The following MAGI1 variants were observed in gnomAD, a reference collection of about 807,000 sequenced individuals.
MAGI1 encodes membrane associated guanylate kinase, WW and PDZ domain containing 1.
In MAGI1, 58 loss-of-function variants were observed where a neutral mutation model predicts 139.9. That is an observed-to-expected ratio of 0.41 (90% CI 0.34 to 0.52). The LOEUF (loss-of-function observed/expected upper bound fraction) is 0.52, where lower values mean the gene tolerates loss of function less well. Among genes scored for constraint, MAGI1 ranks in the 20% least tolerant of loss-of-function variants. The pLI is 0.12. For synonymous variants in MAGI1, 812 were observed against 737.9 expected (o/e 1.10, Z -1.63); for missense variants, 1,874 against 1,901.6 (o/e 0.99, Z 0.27).
At chr3:65,900,492 A>C (rs566554608) in intron 1 of MAGI1, among the ~76,000 whole-genome samples, 1 of 152,338 alleles carries the variant, frequency 6.6e-6, no homozygotes, top group Non-Finnish European at 1.5e-5. Flanking sequence ...ATGTTCACTT[A>C]ATCATAATAT....
chr3:65,919,082 G>T (rs1265398130), intron 1 of MAGI1, among the ~76,000 whole-genome samples: 2 of 152,212 alleles, frequency 1.3e-5, no homozygotes, highest in African/African-American at 4.8e-5. Context: ...GATCTGTGAA[G>T]ACTGAAGACT....
At chr3:65,425,658 C>T (rs146771531) in intron 12 of MAGI1, among the ~76,000 whole-genome samples, 17 of 152,214 alleles carry the variant, frequency 1.1e-4, no homozygotes, top group African/African-American at 4.1e-4. Context: ...TACATGCCTT[C>T]TCTCAAAAGT....
chr3:65,881,887 A>G (rs1261403393), intron 1 of MAGI1, among the ~76,000 whole-genome samples: 2 of 152,134 alleles, frequency 1.3e-5, no homozygotes, highest in East Asian at 3.9e-4. Flanking sequence ...GAGCCTCTGG[A>G]AAGCCAGTAG....
rs986864095 is a variant in MAGI1 at position 65,390,486 on chromosome 3, T to C, written c.2416+656A>G. ...ATAAATGAATATTATTTATGGTGAA[T>C]AGTTTTTGGAAATCATTTCATAATA... On this transcript the variant is annotated intron_variant, in intron 14 of 22. Transcript: ENST00000402939. 2.6e-5 allele frequency among the ~76,000 whole-genome samples: 4 copies of C among 152,318 alleles called. No homozygotes were observed. In the East Asian group the frequency reaches 5.8e-4, roughly 22 times the overall value.
chr3:65,671,272 A>G (rs1353421310), intron 1 of MAGI1, among the ~76,000 whole-genome samples: 1 of 152,166 alleles, frequency 6.6e-6, no homozygotes, highest in African/African-American at 2.4e-5. Context: ...GTGTTTCTCA[A>G]TCTTGGCACT....
At chr3:65,687,667 G>A (rs1207475778) in intron 1 of MAGI1, 2 of 497,104 alleles carry the variant, frequency 4.0e-6, no homozygotes, top group Non-Finnish European at 8.1e-6. Context: ...TGCCCCGCTG[G>A]TAATACACAA....
At chr3:65,718,446 T>G (rs567015215) in intron 1 of MAGI1, 9 of 152,344 alleles carry the variant, frequency 5.9e-5, no homozygotes, top group Middle Eastern at 3.4e-3. Flanking sequence ...CGTGCCCCAG[T>G]GCAAATCCTA....
At chr3:65,777,458 A>C (rs1391574043) in intron 1 of MAGI1, among the ~76,000 whole-genome samples, 4 of 152,172 alleles carry the variant, frequency 2.6e-5, no homozygotes, top group African/African-American at 7.2e-5. Context: ...TATATTTGGC[A>C]TAAATACCAA....
At chr3:65,812,468 T>TCACACACACACACACACACACACACA (rs1553711393) in intron 1 of MAGI1, among the ~76,000 whole-genome samples, 21 of 89,068 alleles carry the variant, frequency 2.4e-4, no homozygotes, top group East Asian at 1.1e-3. Flanking sequence ...TCTCTCTCTC[T>TCACACACACACACACACACACACACA]CACACACACA....
intron 1 of MAGI1, among the ~76,000 whole-genome samples, chr3:65,771,523 G>C (rs1256261704): frequency 1.3e-5 from 2 of 152,022 alleles, no homozygotes; most frequent in South Asian, 2.1e-4. Flanking sequence ...TAATATAAAA[G>C]CACAACCACA....
At chr3:65,677,080 A>G (rs551460717) in intron 1 of MAGI1, among the ~76,000 whole-genome samples, 43 of 152,352 alleles carry the variant, frequency 2.8e-4, no homozygotes, top group African/African-American at 9.9e-4. Context: ...GATGAGAAAG[A>G]GATAAACAAT....
chr3:65,579,588 G>A (rs2108114657), intron 2 of MAGI1, among the ~76,000 whole-genome samples: 1 of 152,304 alleles, frequency 6.6e-6, no homozygotes, highest in East Asian at 1.9e-4. Context: ...GCTCACGCCT[G>A]TAATCCCAGC....
At chr3:65,739,127 C>G (rs944119294) in intron 1 of MAGI1, among the ~76,000 whole-genome samples, 7 of 152,220 alleles carry the variant, frequency 4.6e-5, no homozygotes, top group Admixed American at 4.6e-4. Context: ...CCACATTCAT[C>G]AATTATCTTA....
Position 65,448,015 on chromosome 3 carries a change from G to A in MAGI1, c.1078+7C>T, listed in dbSNP as rs200936855. On this transcript the variant is annotated splice_region_variant and intron_variant, in intron 7 of 22. Coordinates refer to ENST00000402939, the MANE Select transcript of MAGI1 (RefSeq NM_001033057.2). ...TCATGCAGCAGCAGCAGGCAGGGAG[G>A]GTTTACCTAGTTCACTGTCCAGCTC... The A allele has an allele frequency of 1.9e-6, 3 of 1,614,046 alleles. No individual in the cohort carries two copies. Among genetic ancestry groups the A allele is most frequent in the Non-Finnish European group, 2.5e-6 (3 of 1,179,954 alleles).
chr3:65,952,112 G>A (rs1279432398), intron 1 of MAGI1, among the ~76,000 whole-genome samples: 3 of 152,148 alleles, frequency 2.0e-5, no homozygotes, highest in African/African-American at 7.2e-5. Context: ...TAGTGAAAGT[G>A]TAGATAGATA....
intron 1 of MAGI1, among the ~76,000 whole-genome samples, chr3:65,827,765 AGAGAGG>A (rs1317139334): frequency 6.6e-6 from 1 of 152,256 alleles, no homozygotes; most frequent in Non-Finnish European, 1.5e-5. Flanking sequence ...TAATTATTAC[AGAGAGG>A]GATATTTTTT....
chr3:65,806,877 G>A (rs2040894375), intron 1 of MAGI1, among the ~76,000 whole-genome samples: 1 of 152,158 alleles, frequency 6.6e-6, no homozygotes, highest in Admixed American at 6.5e-5. Flanking sequence ...GGAGGGAGGA[G>A]ACAGTGCAAT....
chr3:65,597,735 CAGCGG>C, intron 2 of MAGI1: 1 of 456,706 alleles, frequency 2.2e-6, no homozygotes, highest in Non-Finnish European at 4.4e-6. Flanking sequence ...CTTCCTCCGG[CAGCGG>C]AGCGTTCGAA....
chr3:65,410,548 A>G (rs1055387679), intron 12 of MAGI1, among the ~76,000 whole-genome samples: 1 of 152,216 alleles, frequency 6.6e-6, no homozygotes, highest in Non-Finnish European at 1.5e-5. Context: ...TACCAAATGC[A>G]TTTACAGAAA....
Sources: gnomAD v4.1 joint callset for allele counts (sites outside exome capture counted in the v4.1 genomes callset) on GRCh38, gnomAD v4.1.1 for gene constraint, MANE v1.5 for transcripts, NCBI Gene and HGNC (gene_info 2026-07-23, HGNC 2026-07-21) for gene names.